TRIM26: variants seen among roughly 807,000 people sequenced by gnomAD.
TRIM26 encodes the protein tripartite motif containing 26.
Under a neutral mutation model 45.5 loss-of-function variants are expected in TRIM26, and 16 were observed. The observed-to-expected ratio is 0.35, with a 90% CI of 0.24 to 0.53. TRIM26 has a LOEUF of 0.53. Among genes scored for constraint, TRIM26 ranks in the 20% least tolerant of loss-of-function variants. TRIM26 has a pLI of 0.92. For missense variants in TRIM26, 442 were observed against 691.1 expected (o/e 0.64, Z 4.04); for synonymous variants, 273 against 290.4 (o/e 0.94, Z 0.61).
In TRIM26 at chr6:30,186,286, C is replaced by G; in HGVS notation, c.1210G>C (p.Gly404Arg). 2 of 1,608,796 alleles carry G rather than the reference C, an allele frequency of 1.2e-6. No individual in the cohort carries two copies. Among genetic ancestry groups the G allele is most frequent in the Non-Finnish European group, 1.7e-6 (2 of 1,176,756 alleles). Residue 404 changes from glycine (G) to arginine (R), a missense_variant, in exon 10 of 10, where the codon GGG (glycine) becomes CGG (arginine). Transcript: ENST00000454678. The surrounding 1 kb of genome is among the most constrained non-coding windows in gnomAD (Gnocchi z 7.4). ...GTTTCCCAGTCGTCATATCCATCCCCATAGCCGGCCTCCTCTTCCTCCTCC... is the reference window on the plus strand; with the variant it reads ...GTTTCCCAGTCGTCATATCCATCCCGATAGCCGGCCTCCTCTTCCTCCTCC... ...EEEEEEEAGY[G>R]DGYDDWETDE...
rs749405662 is a variant in TRIM26 at position 30,186,132 on chromosome 6, C to T, written c.1364G>A (p.Arg455Gln). Residue 455 changes from arginine (R) to glutamine (Q), a missense_variant, in exon 10 of 10, where the codon CGG becomes CAG. Physicochemically the swap from Arg to Gln is conservative, Grantham distance 43. Coordinates refer to ENST00000454678, the MANE Select transcript of TRIM26 (RefSeq NM_003449.5). This position sits in a 1 kb window ranked among gnomAD's most constrained non-coding sequence, Gnocchi z 7.4. Reference sequence around the variant, plus strand: ...CAGCGCCCACACGCCATCCTCTGGCCGCAGGGAGAGGTCTCCCTTCCTCTT... The same window carrying T: ...CAGCGCCCACACGCCATCCTCTGGCTGCAGGGAGAGGTCTCCCTTCCTCTT... Reference protein sequence around the residue: ...SVKRKGDLSLRPEDGVWALRL... With the variant: ...SVKRKGDLSLQPEDGVWALRL... 15 of 1,591,732 alleles carry T rather than the reference C, an allele frequency of 9.4e-6. No homozygotes were observed. Among genetic ancestry groups the T allele is most frequent in the African/African-American group, 2.7e-5 (2 of 74,212 alleles).
In TRIM26 at chr6:30,198,794, G is replaced by A. The variant is rs765111699; in HGVS notation, c.310C>T (p.Arg104Ter). ...TAGTAGTGCAGCTTCTCTCGGTGTC[G>A]CTCGCACAACTTTGCATCCTGCTGC... Reference protein sequence around the residue: ...REQQDAKLCERHREKLHYYCE... With the variant: ...REQQDAKLCE The change falls in exon 4 of 10, where the codon CGA (arginine) becomes TGA (stop). Residue 104 changes from arginine (R) to a stop codon, truncating the protein, a stop_gained. Coordinates refer to ENST00000454678, the MANE Select transcript of TRIM26 (RefSeq NM_003449.5). LOFTEE classifies it high-confidence loss of function. This position sits in a 1 kb window ranked among gnomAD's most constrained non-coding sequence, Gnocchi z 6.3. 1.3e-6 allele frequency: 2 copies of A among 1,594,382 alleles called. No homozygotes were observed. Among genetic ancestry groups the A allele is most frequent in the Non-Finnish European group, 1.7e-6 (2 of 1,174,608 alleles).
At chr6:30,192,219 A>G (rs1444912034) in intron 6 of TRIM26, among the ~76,000 whole-genome samples, 1 of 152,216 alleles carries the variant, frequency 6.6e-6, no homozygotes, top group Non-Finnish European at 1.5e-5. Flanking sequence ...AGAGCCGAGC[A>G]GTGGGGCTGC....
Position 30,189,985 on chromosome 6 carries a change from G to T in TRIM26, c.788+28C>A. ...GGGGAACATAAACAAGGGGGATGAG[G>T]TACGCCATGGAGAGGAGACTCTTTT... On this transcript the variant is annotated intron_variant, in intron 7 of 9. Coordinates refer to ENST00000454678, the MANE Select transcript of TRIM26 (RefSeq NM_003449.5). This position sits in a 1 kb window ranked among gnomAD's most constrained non-coding sequence, Gnocchi z 5.0. 2 of 1,612,790 alleles carry T rather than the reference G, an allele frequency of 1.2e-6. No homozygotes were observed. The highest frequency in any genetic ancestry group is 1.7e-6 in the Non-Finnish European group (2 of 1,179,776).
At chr6:30,210,121 C>T (rs919263801) in intron 1 of TRIM26, among the ~76,000 whole-genome samples, 114 of 152,080 alleles carry the variant, frequency 7.5e-4, no homozygotes, top group Admixed American at 1.8e-3. Context: ...AGGAGAATCG[C>T]TTGAACCCAG....
intron 9 of TRIM26, chr6:30,187,354 A>G (rs6457165): frequency 0.42 from 137,753 of 324,740 alleles, 29,919 homozygotes; most frequent in Non-Finnish European, 0.45. Context: ...GAGGGCATTC[A>G]GGCATTCGGC....
Position 30,199,738 on chromosome 6 carries a change from A to C in TRIM26, c.-161-474T>G, listed in dbSNP as rs990021288. ...TGCAACCTCCGCCTCCCAGGTTCAC[A>C]CCATTCTCCTGCCTCAGCCTCCCGA... is the stretch of plus-strand genomic sequence containing the variant. On this transcript the variant is annotated intron_variant, in intron 3 of 9. Transcript: ENST00000454678. Among the ~76,000 whole-genome samples, 4 of 150,708 alleles carry C rather than the reference A, an allele frequency of 2.7e-5. No individual in the cohort carries two copies. In the East Asian group the frequency reaches 5.9e-4, roughly 22 times the overall value.
At chr6:30,187,419 C>G (rs1775304989) in intron 9 of TRIM26, 1 of 459,460 alleles carries the variant, frequency 2.2e-6, no homozygotes, top group Non-Finnish European at 4.4e-6. Flanking sequence ...TCCATTTGTT[C>G]CTCTGATCTC....
At position 30,186,564 on chromosome 6, in the gene TRIM26, G is replaced by A; in HGVS notation, c.938-6C>T. The A allele has an allele frequency of 6.7e-7, 1 of 1,488,996 alleles. No individual in the cohort carries two copies. The highest frequency in any genetic ancestry group is 8.9e-7 in the Non-Finnish European group (1 of 1,125,352). 92.2% of individuals were successfully genotyped at this position (1,488,996 alleles called of 1,614,324 possible). ...TGGGTCCAGGGTGACGCTCACTGTG[G>A]GGACAAGGGAAAAAAAAAAAAACAG... On this transcript the variant is annotated splice_polypyrimidine_tract_variant and splice_region_variant and intron_variant, in intron 9 of 9. Transcript: ENST00000454678. This position sits in a 1 kb window ranked among gnomAD's most constrained non-coding sequence, Gnocchi z 7.4.
At position 30,189,124 on chromosome 6, in the gene TRIM26, C is replaced by G; in HGVS notation, c.937+43G>C. The G allele has an allele frequency of 6.3e-7, 1 of 1,593,630 alleles. No homozygotes were observed. Among genetic ancestry groups the G allele is most frequent in the Non-Finnish European group, 8.5e-7 (1 of 1,172,130 alleles). On this transcript the variant is annotated intron_variant, in intron 9 of 9. Coordinates refer to ENST00000454678, the MANE Select transcript of TRIM26 (RefSeq NM_003449.5). This position sits in a 1 kb window ranked among gnomAD's most constrained non-coding sequence, Gnocchi z 5.0. ...TCAGAATCTCTGCAGGCGGAGTTTTCTATATTTGATGTACATCTGGGAAAC... is the reference window on the plus strand; with the variant it reads ...TCAGAATCTCTGCAGGCGGAGTTTTGTATATTTGATGTACATCTGGGAAAC...
rs778340546 is a variant in TRIM26 at position 30,198,516 on chromosome 6, G to C, written c.447C>G (p.Ile149Met). The change falls in exon 5 of 10, where the codon ATC becomes ATG. Residue 149 changes from isoleucine to methionine, a missense_variant. Physicochemically the swap from Ile to Met is conservative, Grantham distance 10. Transcript: ENST00000454678. This position sits in a 1 kb window ranked among gnomAD's most constrained non-coding sequence, Gnocchi z 6.3. ...EKAAQPHREKILNHLSTLRRD... is the reference protein window; with the variant it reads ...EKAAQPHREKMLNHLSTLRRD... ...TCCTTAGGGTACTCAGGTGGTTCAG[G>C]ATTTTTTCCTGTGGAAAAACAAGCA... is the stretch of plus-strand genomic sequence containing the variant. 4 of 1,613,076 alleles carry C rather than the reference G, an allele frequency of 2.5e-6. No individual in the cohort carries two copies. The highest frequency in any genetic ancestry group is 2.2e-5 in the East Asian group (1 of 44,884).
In TRIM26 at chr6:30,207,767, T is replaced by A. The variant is rs1777867704; in HGVS notation, c.-375-3002A>T. Among the ~76,000 whole-genome samples, 1 of 152,196 alleles carries A rather than the reference T, an allele frequency of 6.6e-6. No individual in the cohort carries two copies. Among genetic ancestry groups the A allele is most frequent in the South Asian group, 2.1e-4 (1 of 4,828 alleles). Reference sequence around the variant, plus strand: ...CCAAACCGCTCTCCATGCCTCAAAGTGCTATGCTCTTTCCTGGCTAAGCCC... The same window carrying A: ...CCAAACCGCTCTCCATGCCTCAAAGAGCTATGCTCTTTCCTGGCTAAGCCC... On this transcript the variant is annotated intron_variant, in intron 1 of 9. Coordinates refer to ENST00000454678, the MANE Select transcript of TRIM26 (RefSeq NM_003449.5). This position sits in a 1 kb window ranked among gnomAD's most constrained non-coding sequence, Gnocchi z 4.9.
At position 30,209,455 on chromosome 6, in the gene TRIM26, C is replaced by A. The variant is rs1457647778; in HGVS notation, c.-376+3850G>T. Reference sequence around the variant, plus strand: ...TGGGGTCTTTAAGACGTGACTGGGTCATGAGGGTGTAACTCTCATGAATGG... The same window carrying A: ...TGGGGTCTTTAAGACGTGACTGGGTAATGAGGGTGTAACTCTCATGAATGG... On this transcript the variant is annotated intron_variant, in intron 1 of 9. Coordinates refer to ENST00000454678, the MANE Select transcript of TRIM26 (RefSeq NM_003449.5). This position sits in a 1 kb window ranked among gnomAD's most constrained non-coding sequence, Gnocchi z 4.8. Among the ~76,000 whole-genome samples the A allele has an allele frequency of 5.9e-5, 9 of 152,118 alleles. No homozygotes were observed. The highest frequency in any genetic ancestry group is 1.0e-4 in the Non-Finnish European group (7 of 68,022).
rs1777114993 is a variant in TRIM26 at position 30,201,053 on chromosome 6, T to TTCC, written c.-181_-180insGGA. 1.3e-5 allele frequency: 2 copies of TTCC among 152,232 alleles called. No homozygotes were observed. The highest frequency in any genetic ancestry group is 2.9e-5 in the Non-Finnish European group (2 of 68,078). The allele number at this position is 152,232 out of a possible 1,614,324, so 9.4% of individuals were successfully genotyped here. A position where few individuals can be genotyped will look rare whatever the true frequency, so the allele number is the denominator to read the frequency against. Reference sequence around the variant, plus strand: ...GCAGTACCTGGAGGACTTGCTCTCCTATAGATCCATGGAAGGCAACTACAG... The same window carrying TTCC: ...GCAGTACCTGGAGGACTTGCTCTCCTTCCATAGATCCATGGAAGGCAACTACAG... On this transcript the variant is annotated 5_prime_UTR_variant, in exon 3 of 10. The change creates a new upstream start codon in the 5' untranslated region. Coordinates refer to ENST00000454678, the MANE Select transcript of TRIM26 (RefSeq NM_003449.5).
In TRIM26 at chr6:30,186,994, G is replaced by A. The variant is rs559599996; in HGVS notation, c.938-436C>T. The A allele has an allele frequency of 2.7e-5, 11 of 408,196 alleles. No homozygotes were observed. Among genetic ancestry groups the A allele is most frequent in the South Asian group, 5.0e-5 (2 of 40,294 alleles). 25.3% of individuals were successfully genotyped at this position (408,196 alleles called of 1,614,324 possible). On this transcript the variant is annotated intron_variant, in intron 9 of 9. Coordinates refer to ENST00000454678, the MANE Select transcript of TRIM26 (RefSeq NM_003449.5). This position sits in a 1 kb window ranked among gnomAD's most constrained non-coding sequence, Gnocchi z 7.4. ...CTCTTGATATGCTTCTTGGTAATCC[G>A]GATCAGCTGCAGTGAAAGGAACACT...
intron 1 of TRIM26, among the ~76,000 whole-genome samples, chr6:30,208,520 T>C (rs1777948059): frequency 6.6e-6 from 1 of 150,812 alleles, no homozygotes. Flanking sequence ...TTTTCCTTTT[T>C]TTTTTTTTTT....
At chr6:30,208,809 A>G (rs2127535316) in intron 1 of TRIM26, among the ~76,000 whole-genome samples, 1 of 152,228 alleles carries the variant, frequency 6.6e-6, no homozygotes, top group South Asian at 2.1e-4. Context: ...TAGTCTGCTC[A>G]GCAGGCTATG....
rs141431494 is a variant in TRIM26 at position 30,212,499 on chromosome 6, T to C, written c.-376+806A>G. On this transcript the variant is annotated intron_variant, in intron 1 of 9. Transcript: ENST00000454678. ...TTTGGAGCATGTGGGAAGTTTGTAC[T>C]ATCTTCTCAATTCTTCTGTAAATCT... 7.2e-3 allele frequency among the ~76,000 whole-genome samples: 1,092 copies of C among 152,350 alleles called. 42 individuals carry two copies. In the South Asian group the frequency reaches 0.12, roughly 17 times the overall value.
chr6:30,185,776 C>G lies in TRIM26; in HGVS notation c.*100G>C. 1 of 1,383,322 alleles carries G rather than the reference C, an allele frequency of 7.2e-7. No homozygotes were observed. The highest frequency in any genetic ancestry group is 2.4e-5 in the East Asian group (1 of 41,682). 85.7% of individuals were successfully genotyped at this position (1,383,322 alleles called of 1,614,324 possible). On this transcript the variant is annotated 3_prime_UTR_variant, in exon 10 of 10. Coordinates refer to ENST00000454678, the MANE Select transcript of TRIM26 (RefSeq NM_003449.5). The surrounding 1 kb of genome is among the most constrained non-coding windows in gnomAD (Gnocchi z 5.7). The stretch of plus-strand genomic sequence containing the variant: ...ACCAGTGGATATGGGGTCCCCTGCT[C>G]CAGGTGCTTAGGCCAGGCATCCCGT...
Sources: allele counts gnomAD v4.1 joint callset (sites outside exome capture counted in the v4.1 genomes callset), GRCh38; gene constraint gnomAD v4.1.1; non-coding constraint Gnocchi (gnomAD v3.1); transcripts MANE v1.5; gene names NCBI Gene and HGNC (gene_info 2026-07-23, HGNC 2026-07-21).